ATP13A4: variants seen among roughly 807,000 people sequenced by gnomAD.
The protein encoded by ATP13A4 is ATPase 13A4.
A neutral mutation model predicts 142.5 loss-of-function variants in ATP13A4; 114 were observed. The ratio of observed to expected loss-of-function variants is 0.80; its 90% CI spans 0.69 to 0.93. The LOEUF (loss-of-function observed/expected upper bound fraction) is 0.93. ATP13A4 is among the 40% of genes least tolerant of loss of function. The pLI is 0.00. For missense variants in ATP13A4, 1,392 were observed against 1,454.0 expected (o/e 0.96, Z 0.69); for synonymous variants, 488 against 514.8 (o/e 0.95, Z 0.70).
intron 7 of ATP13A4, among the ~76,000 whole-genome samples, chr3:193,487,229 C>T (rs554769919): frequency 1.1e-4 from 16 of 152,004 alleles, no homozygotes; most frequent in Non-Finnish European, 1.5e-4. Context: ...TTAGCGATAT[C>T]GGTACTGGGG....
At chr3:193,471,720 G>A (rs1040268109) in intron 8 of ATP13A4, among the ~76,000 whole-genome samples, 26 of 152,016 alleles carry the variant, frequency 1.7e-4, no homozygotes, top group African/African-American at 6.3e-4. Context: ...GGTGTGTTAA[G>A]TGTCTGCAAA....
In ATP13A4 at chr3:193,459,069, G is replaced by A. The variant is rs1347125315; in HGVS notation, c.1674+12C>T. On this transcript the variant is annotated intron_variant, in intron 14 of 29. Coordinates refer to ENST00000342695, the MANE Select transcript of ATP13A4 (RefSeq NM_032279.4). ...AGAAGCTTCTCAGATTCTCTGAAGA[G>A]CAGAGGCTTACCCAGGTGGTGGCTT... 1 of 1,614,192 alleles carries A rather than the reference G, an allele frequency of 6.2e-7. No homozygotes were observed. The highest frequency in any genetic ancestry group is 2.2e-5 in the East Asian group (1 of 44,884).
intron 14 of ATP13A4, among the ~76,000 whole-genome samples, chr3:193,457,771 T>C (rs1717719983): frequency 1.3e-5 from 2 of 152,252 alleles, no homozygotes; most frequent in East Asian, 1.9e-4. Flanking sequence ...GCCATGCACA[T>C]GAAGGGCCAG....
chr3:193,554,989 C>G (rs764069394), upstream of ATP13A4: 72 of 1,441,666 alleles, frequency 5.0e-5, no homozygotes, highest in Non-Finnish European at 6.4e-5. Flanking sequence ...ACTCCTCCCA[C>G]GAGTCGCCCT....
At chr3:193,551,089 T>A (rs1723534353) in intron 1 of ATP13A4, among the ~76,000 whole-genome samples, 1 of 152,196 alleles carries the variant, frequency 6.6e-6, no homozygotes, top group African/African-American at 2.4e-5. Context: ...CCTCTCCATT[T>A]ATAAGTGGTC....
chr3:193,588,038 A>G (rs1724699596), intron 1 of ATP13A4, among the ~76,000 whole-genome samples: 1 of 152,050 alleles, frequency 6.6e-6, no homozygotes, highest in Admixed American at 6.6e-5. Flanking sequence ...GAGGCTGAAA[A>G]GGGCAGACCA....
intron 3 of ATP13A4, among the ~76,000 whole-genome samples, chr3:193,501,486 G>T (rs1239785135): frequency 6.6e-6 from 1 of 151,864 alleles, no homozygotes; most frequent in Non-Finnish European, 1.5e-5. Flanking sequence ...TACTTTGGAG[G>T]CTGAGGCAGG....
chr3:193,520,460 G>A (rs1391023653), intron 1 of ATP13A4, among the ~76,000 whole-genome samples: 1 of 152,132 alleles, frequency 6.6e-6, no homozygotes, highest in Non-Finnish European at 1.5e-5. Flanking sequence ...TAGGATTTTT[G>A]CTTTTTCTTT....
chr3:193,467,281 AC>A (rs1576993713), intron 10 of ATP13A4, 34 bp downstream of exon 10: 2 of 1,611,348 alleles, frequency 1.2e-6, no homozygotes, highest in East Asian at 4.5e-5. Context: ...GCAAAAGTAT[AC>A]CATTAAAAAT....
chr3:193,423,138 C>T (rs1193666065), intron 25 of ATP13A4, among the ~76,000 whole-genome samples: 2 of 149,704 alleles, frequency 1.3e-5, no homozygotes, highest in African/African-American at 4.9e-5. Flanking sequence ...TTCCTGGACA[C>T]ATACAACCTA....
At chr3:193,518,730 A>G (rs1287479955) in intron 1 of ATP13A4, among the ~76,000 whole-genome samples, 2 of 152,220 alleles carry the variant, frequency 1.3e-5, no homozygotes, top group Non-Finnish European at 2.9e-5. Flanking sequence ...AGAAAAAAGA[A>G]CCAGCCAGAG....
chr3:193,589,421 C>T (rs1161784565), intron 1 of ATP13A4, among the ~76,000 whole-genome samples: 2 of 152,092 alleles, frequency 1.3e-5, no homozygotes, highest in East Asian at 3.9e-4. Flanking sequence ...CCAAGAAGAA[C>T]TTTGCAAAAG....
rs1384428795 is a variant in ATP13A4 at position 193,504,203 on chromosome 3, T to C, written c.235-1564A>G. 3.3e-5 allele frequency among the ~76,000 whole-genome samples: 5 copies of C among 152,208 alleles called. No homozygotes were observed. The East Asian group carries it at 5.8e-4, about 18-fold the overall frequency. ...CTAAATCAATTCAAATCAAATTGTATGGAGTTAAGAATGATGAGCCTAAGA... is the reference window on the plus strand; with the variant it reads ...CTAAATCAATTCAAATCAAATTGTACGGAGTTAAGAATGATGAGCCTAAGA... On this transcript the variant is annotated intron_variant, in intron 2 of 29. Transcript: ENST00000342695.
intron 1 of ATP13A4, among the ~76,000 whole-genome samples, chr3:193,517,257 A>G (rs1320946601): frequency 1.3e-5 from 2 of 152,222 alleles, no homozygotes; most frequent in Non-Finnish European, 2.9e-5. Flanking sequence ...AAATAAGACA[A>G]TATCTCCAGT....
At chr3:193,531,288 G>GAGGAAGGAAGGA (rs772378760) in intron 1 of ATP13A4, among the ~76,000 whole-genome samples, 2,488 of 113,258 alleles carry the variant, frequency 0.022, 55 homozygotes, top group Non-Finnish European at 0.026. Flanking sequence ...GGGAGGGAGG[G>GAGGAAGGAAGGA]AGGGAGGGAG....
At chr3:193,417,949 C>T (rs544677414) in intron 25 of ATP13A4, among the ~76,000 whole-genome samples, 22 of 145,898 alleles carry the variant, frequency 1.5e-4, no homozygotes, top group East Asian at 4.4e-4. Context: ...GGTGAAACCC[C>T]GTCTCTACTA....
Position 193,457,362 on chromosome 3 carries a change from G to A in ATP13A4, c.1761+17C>T. 6.2e-7 allele frequency: 1 copy of A among 1,613,340 alleles called. No homozygotes were observed. The highest frequency in any genetic ancestry group is 8.5e-7 in the Non-Finnish European group (1 of 1,179,236). On this transcript the variant is annotated intron_variant, in intron 15 of 29. Transcript: ENST00000342695. ...TTGAGTTTGGGTGTTGTGGGGTGAA[G>A]AGCAAGCAGGGCTTACCTGGCTGGC...
In ATP13A4 at chr3:193,573,319, A is replaced by T. The variant is rs867357662; in HGVS notation, n.291+8388T>A. On this transcript the variant is annotated intron_variant and non_coding_transcript_variant, in intron 2 of 3. Transcript: ENST00000489140. ...TATATATATATATACATATATATATATATATATAATTTGTATCTACTATGC... is the reference window on the plus strand; with the variant it reads ...TATATATATATATACATATATATATTTATATATAATTTGTATCTACTATGC... Among the ~76,000 whole-genome samples the T allele has an allele frequency of 7.8e-5, 11 of 141,898 alleles. 1 individual carries two copies. The highest frequency in any genetic ancestry group is 6.0e-4 in the East Asian group (3 of 5,018). 93.1% of individuals were successfully genotyped at this position (141,898 alleles called of 152,430 possible).
Position 193,436,985 on chromosome 3 carries a change from T to C in ATP13A4, c.2673-1241A>G, listed in dbSNP as rs377240142. Reference sequence around the variant, plus strand: ...CGGGCGTGGTGGCGGGCGCCTGTAGTCCCAGCTACTTGGGAGGCTGAGGCA... The same window carrying C: ...CGGGCGTGGTGGCGGGCGCCTGTAGCCCCAGCTACTTGGGAGGCTGAGGCA... On this transcript the variant is annotated intron_variant, in intron 23 of 29. Coordinates refer to ENST00000342695, the MANE Select transcript of ATP13A4 (RefSeq NM_032279.4). Among the ~76,000 whole-genome samples the C allele has an allele frequency of 3.5e-3, 514 of 147,494 alleles. 30 individuals carry two copies. The highest frequency in any genetic ancestry group is 0.013 in the African/African-American group (496 of 37,998).
Sources: allele counts gnomAD v4.1 joint callset (sites outside exome capture counted in the v4.1 genomes callset), GRCh38; gene constraint gnomAD v4.1.1; transcripts MANE v1.5; gene names NCBI Gene and HGNC (gene_info 2026-07-23, HGNC 2026-07-21).